The following RAD51B variants were observed in gnomAD, a reference collection of about 807,000 sequenced individuals.
The protein encoded by RAD51B is DNA repair protein RAD51 homolog 2.
RAD51B carries 38 observed loss-of-function variants against 42.2 expected under a neutral mutation model. The observed-to-expected ratio is 0.90, with a 90% confidence interval of 0.70 to 1.18. The LOEUF is 1.18. Among genes scored for constraint, RAD51B ranks in the 50% most tolerant of loss-of-function variants. The probability of loss-of-function intolerance (pLI) is 0.00; values close to 1 mark genes in which losing one functional copy is unlikely to be tolerated. For synonymous variants in RAD51B, 154 were observed against 145.2 expected (o/e 1.06, Z -0.43); for missense variants, 373 against 400.7 (o/e 0.93, Z 0.59).
intron 7 of RAD51B, among the ~76,000 whole-genome samples, chr14:68,067,931 C>CAAAAAA (rs913150528): frequency 2.8e-4 from 7 of 24,692 alleles, no homozygotes; most frequent in East Asian, 3.1e-3. Flanking sequence ...GACTCCATCT[C>CAAAAAA]AAAAAAAAAA....
At chr14:68,222,984 C>T (rs995953782) in intron 7 of RAD51B, among the ~76,000 whole-genome samples, 1 of 152,200 alleles carries the variant, frequency 6.6e-6, no homozygotes, top group Non-Finnish European at 1.5e-5. Flanking sequence ...CTCCTGAGCT[C>T]CAGCCCCACG....
At chr14:68,022,810 T>G (rs2075888915) in intron 7 of RAD51B, among the ~76,000 whole-genome samples, 2 of 152,294 alleles carry the variant, frequency 1.3e-5, no homozygotes, top group South Asian at 4.1e-4. Context: ...TCTCCCACCC[T>G]CCACCCTCAA....
chr14:68,335,779 A>G lies in RAD51B; in HGVS notation c.853+43799A>G, dbSNP rs117409237. On this transcript the variant is annotated intron_variant, in intron 8 of 10. Coordinates refer to ENST00000471583, the MANE Select transcript of RAD51B (RefSeq NM_133510.4). ...AATCTGTAACTACTGATTTTCTAGT[A>G]ACAAGAGCAGAAAGTTCTACAGAGC... 2.7e-3 allele frequency among the ~76,000 whole-genome samples: 418 copies of G among 152,352 alleles called. 11 individuals are homozygous for G. In the East Asian group the frequency reaches 0.046, roughly 17 times the overall value.
At chr14:68,398,279 A>T (rs2083985328) in intron 8 of RAD51B, among the ~76,000 whole-genome samples, 1 of 152,218 alleles carries the variant, frequency 6.6e-6, no homozygotes, top group South Asian at 2.1e-4. Flanking sequence ...AAGCACTTTA[A>T]GTCAAATTCA....
chr14:68,316,108 G>A (rs2139746601), intron 8 of RAD51B, among the ~76,000 whole-genome samples: 1 of 152,312 alleles, frequency 6.6e-6, no homozygotes, highest in African/African-American at 2.4e-5. Flanking sequence ...AAAATGGGAA[G>A]AATAAAAATA....
chr14:67,971,499 G>A (rs1417386030), intron 7 of RAD51B, among the ~76,000 whole-genome samples: 1 of 151,908 alleles, frequency 6.6e-6, no homozygotes, highest in African/African-American at 2.4e-5. Context: ...TCTCTGCAAA[G>A]GTAAACTGAA....
rs114440517 is a variant in RAD51B at position 68,162,122 on chromosome 14, T to G, written c.757-129762T>G. Among the ~76,000 whole-genome samples the G allele has an allele frequency of 5.6e-3, 848 of 152,284 alleles. 2 individuals are homozygous for G. Among genetic ancestry groups the G allele is most frequent in the African/African-American group, 0.019 (775 of 41,556 alleles). On this transcript the variant is annotated intron_variant, in intron 7 of 10. Coordinates refer to ENST00000471583, the MANE Select transcript of RAD51B (RefSeq NM_133510.4). ...CTATTAACATCAGTTTTGAGAGAAA[T>G]AAGTAATAGAGAGCAGGATTGAAAT...
intron 8 of RAD51B, among the ~76,000 whole-genome samples, chr14:68,307,297 G>A (rs568916286): frequency 5.5e-4 from 83 of 152,264 alleles, no homozygotes; most frequent in African/African-American, 1.9e-3. Context: ...CTTTGTATCC[G>A]TAACCTGATC....
chr14:67,962,645 T>A (rs2074693867), intron 7 of RAD51B, among the ~76,000 whole-genome samples: 1 of 152,126 alleles, frequency 6.6e-6, no homozygotes, highest in Admixed American at 6.5e-5. Context: ...TCCTCTCAAA[T>A]GTGAAAGAAC....
rs541870913 is a variant in RAD51B at position 67,840,521 on chromosome 14, C to G, written c.315+5325C>G. Among the ~76,000 whole-genome samples, 11 of 152,288 alleles carry G rather than the reference C, an allele frequency of 7.2e-5. No homozygotes were observed. The East Asian group carries it at 1.9e-3, about 27-fold the overall frequency. On this transcript the variant is annotated intron_variant, in intron 4 of 10. Coordinates refer to ENST00000471583, the MANE Select transcript of RAD51B (RefSeq NM_133510.4). Reference sequence around the variant, plus strand: ...TATATATTTACCACATTTTCTTTATCTACTCTACCATGGATGGGCACTTAG... The same window carrying G: ...TATATATTTACCACATTTTCTTTATGTACTCTACCATGGATGGGCACTTAG...
intron 10 of RAD51B, among the ~76,000 whole-genome samples, chr14:68,602,367 C>T (rs1007879637): frequency 2.6e-5 from 4 of 152,206 alleles, no homozygotes; most frequent in Non-Finnish European, 5.9e-5. Flanking sequence ...CTCACCCACT[C>T]TGAATAACCA....
chr14:68,606,796 C>G (rs1891465099), intron 10 of RAD51B, among the ~76,000 whole-genome samples: 1 of 152,202 alleles, frequency 6.6e-6, no homozygotes, highest in African/African-American at 2.4e-5. Flanking sequence ...TCAGGACCCA[C>G]CTTTCCCACT....
intron 8 of RAD51B, among the ~76,000 whole-genome samples, chr14:68,407,119 T>G (rs1045671203): frequency 6.6e-6 from 1 of 152,106 alleles, no homozygotes; most frequent in Non-Finnish European, 1.5e-5. Flanking sequence ...TTAAAAAAAG[T>G]ATAGTAAGTA....
chr14:68,540,741 A>G, intron 10 of RAD51B: 1 of 985,440 alleles, frequency 1.0e-6, no homozygotes, highest in African/African-American at 1.7e-5. Flanking sequence ...GTAGTGAGGG[A>G]CACTTTGTGA....
chr14:67,935,229 AT>A (rs1263732097), intron 7 of RAD51B, among the ~76,000 whole-genome samples: 4 of 152,012 alleles, frequency 2.6e-5, no homozygotes, highest in Non-Finnish European at 5.9e-5. Flanking sequence ...ATCCTTTAAG[AT>A]TTTTTTTACA....
chr14:68,468,402 C>T, intron 10 of RAD51B, 152 bp downstream of exon 10: 1 of 847,356 alleles, frequency 1.2e-6, no homozygotes, highest in East Asian at 2.5e-5. Flanking sequence ...CTAGTGAGAG[C>T]AAGAGAGCGG....
intron 4 of RAD51B, among the ~76,000 whole-genome samples, chr14:67,847,745 T>C (rs1256860688): frequency 6.6e-6 from 1 of 152,204 alleles, no homozygotes; most frequent in Non-Finnish European, 1.5e-5. Context: ...TTGAGAAGAA[T>C]GTATATTCTG....
intron 10 of RAD51B, among the ~76,000 whole-genome samples, chr14:68,627,890 T>C (rs1892125106): frequency 1.3e-5 from 2 of 150,454 alleles, no homozygotes; most frequent in South Asian, 2.1e-4. Flanking sequence ...CCATGCACAC[T>C]TCACTTGTAT....
chr14:68,354,504 C>T (rs985361676), intron 8 of RAD51B, among the ~76,000 whole-genome samples: 4 of 151,984 alleles, frequency 2.6e-5, no homozygotes, highest in Admixed American at 6.5e-5. Flanking sequence ...TGAGCCACCG[C>T]GCCTGGCCCC....
Sources: gnomAD v4.1 joint callset for allele counts (sites outside exome capture counted in the v4.1 genomes callset) on GRCh38, gnomAD v4.1.1 for gene constraint, MANE v1.5 for transcripts, NCBI Gene and HGNC (gene_info 2026-07-23, HGNC 2026-07-21) for gene names.